Variants in KCNAB1 observed in about 807,000 individuals in gnomAD.
The protein encoded by KCNAB1 is potassium voltage-gated channel subfamily A regulatory beta subunit 1, also known as voltage-gated potassium channel subunit beta-1.
In KCNAB1, 35 loss-of-function variants were observed where a neutral mutation model predicts 64.6. The ratio of observed to expected loss-of-function variants is 0.54; its 90% CI spans 0.41 to 0.72. The LOEUF is 0.72. Among genes scored for constraint, KCNAB1 ranks in the 30% least tolerant of loss-of-function variants. The pLI is 0.00. For synonymous variants in KCNAB1, 177 were observed against 183.8 expected, an observed-to-expected ratio of 0.96 and a Z score of 0.30; for missense variants, 401 against 512.9, an observed-to-expected ratio of 0.78 and a Z score of 2.11.
intron 1 of KCNAB1, among the ~76,000 whole-genome samples, chr3:156,280,971 A>G (rs746804706): frequency 0.016 from 2,340 of 149,542 alleles, 40 homozygotes; most frequent in South Asian, 0.019. Context: ...TCTCCTGCCT[A>G]ATTGCCCTGG....
chr3:156,166,996 A>G (rs1041257943), intron 1 of KCNAB1, among the ~76,000 whole-genome samples: 2 of 152,162 alleles, frequency 1.3e-5, no homozygotes, highest in African/African-American at 4.8e-5. Context: ...CTGAAGGGCA[A>G]CAAGTCTCCA....
intron 1 of KCNAB1, among the ~76,000 whole-genome samples, chr3:156,392,512 G>C (rs1427306685): frequency 6.6e-6 from 1 of 152,154 alleles, no homozygotes; most frequent in Non-Finnish European, 1.5e-5. Flanking sequence ...TACTGGTTCA[G>C]TCAATACAAC....
chr3:156,169,991 G>T (rs74647640), intron 1 of KCNAB1, among the ~76,000 whole-genome samples: 1,717 of 152,198 alleles, frequency 0.011, 31 homozygotes, highest in African/African-American at 0.039. Context: ...TCCCAAAGAG[G>T]CCCTTTTTCC....
intron 1 of KCNAB1, among the ~76,000 whole-genome samples, chr3:156,274,591 C>T (rs1056149621): frequency 6.6e-6 from 1 of 152,024 alleles, no homozygotes; most frequent in Non-Finnish European, 1.5e-5. Flanking sequence ...AAATAACTAT[C>T]TCTGTGATGT....
chr3:156,139,984 A>G (rs1714612206), intron 1 of KCNAB1, among the ~76,000 whole-genome samples: 1 of 152,194 alleles, frequency 6.6e-6, no homozygotes, highest in Non-Finnish European at 1.5e-5. Flanking sequence ...TAAATAACTG[A>G]TTCACTTTGT....
chr3:156,131,351 A>T (rs1003334374), intron 1 of KCNAB1, among the ~76,000 whole-genome samples: 1 of 152,228 alleles, frequency 6.6e-6, no homozygotes, highest in African/African-American at 2.4e-5. Context: ...GGCAAAATAA[A>T]TTAGGAGCTT....
chr3:156,285,123 C>T (rs114505323), intron 1 of KCNAB1, among the ~76,000 whole-genome samples: 2,457 of 152,244 alleles, frequency 0.016, 54 homozygotes, highest in Non-Finnish European at 0.02. Flanking sequence ...GATAAGAAAG[C>T]ATTATGTCAT....
Position 156,246,185 on chromosome 3 carries a change from C to A in KCNAB1, c.275+125299C>A, listed in dbSNP as rs554431266. ...TTGGGCACTCAGATAATTAAATTGC[C>A]CCAATAGGTCATTTGCATCAAATTT... On this transcript the variant is annotated intron_variant, in intron 1 of 13. Transcript: ENST00000490337. 3.4e-4 allele frequency among the ~76,000 whole-genome samples: 51 copies of A among 152,124 alleles called. 1 individual carries two copies. In the East Asian group the frequency reaches 7.5e-3, roughly 22 times the overall value.
intron 1 of KCNAB1, among the ~76,000 whole-genome samples, chr3:156,250,441 A>G (rs571894368): frequency 1.3e-5 from 2 of 152,274 alleles, no homozygotes; most frequent in South Asian, 2.1e-4. Flanking sequence ...TGTGTGCCAT[A>G]TGGTCCTTTG....
intron 1 of KCNAB1, among the ~76,000 whole-genome samples, chr3:156,201,555 G>T (rs1468086455): frequency 6.6e-6 from 1 of 152,248 alleles, no homozygotes; most frequent in East Asian, 1.9e-4. Context: ...GCCTAGTTCT[G>T]CTCCAGCAGC....
At chr3:156,454,777 G>A (rs1009876625) in intron 3 of KCNAB1, among the ~76,000 whole-genome samples, 3 of 152,102 alleles carry the variant, frequency 2.0e-5, no homozygotes. Context: ...GTGCTTGGAA[G>A]GGAAAAAGAC....
At chr3:156,255,195 A>G (rs539131277) in intron 1 of KCNAB1, among the ~76,000 whole-genome samples, 1 of 152,248 alleles carries the variant, frequency 6.6e-6, no homozygotes. Context: ...CCTTCATCTG[A>G]AATTGTTGGT....
chr3:156,292,250 G>A (rs1720487962), intron 1 of KCNAB1: 2 of 1,145,806 alleles, frequency 1.7e-6, no homozygotes, highest in African/African-American at 1.5e-5. Context: ...AGAATTCTCA[G>A]GTGGTTCTAA....
intron 1 of KCNAB1, among the ~76,000 whole-genome samples, chr3:156,175,476 C>T (rs564695321): frequency 7.2e-5 from 11 of 152,092 alleles, no homozygotes; most frequent in Non-Finnish European, 1.3e-4. Flanking sequence ...AAAAATTAGC[C>T]GAGTGTGCTG....
chr3:156,363,762 C>G (rs1315582797), intron 1 of KCNAB1, among the ~76,000 whole-genome samples: 1 of 152,202 alleles, frequency 6.6e-6, no homozygotes, highest in Non-Finnish European at 1.5e-5. Context: ...AGGCATGAAC[C>G]ACCGCACCTG....
intron 8 of KCNAB1, among the ~76,000 whole-genome samples, chr3:156,491,522 C>A (rs1343935783): frequency 6.6e-6 from 1 of 152,094 alleles, no homozygotes; most frequent in Non-Finnish European, 1.5e-5. Context: ...TGACTTTGCT[C>A]AGCCATGGAT....
At chr3:156,526,206 A>G (rs1052795621) in intron 12 of KCNAB1, among the ~76,000 whole-genome samples, 8 of 152,254 alleles carry the variant, frequency 5.3e-5, no homozygotes, top group Non-Finnish European at 1.2e-4. Context: ...CATATAGCCT[A>G]GATGTGCAGT....
Position 156,328,040 on chromosome 3 carries a change from G to T in KCNAB1, c.276-93576G>T, listed in dbSNP as rs992990869. Among the ~76,000 whole-genome samples the T allele has an allele frequency of 4.6e-5, 7 of 152,088 alleles. No homozygotes were observed. In the South Asian group the frequency reaches 1.5e-3, roughly 32 times the overall value. ...ACCTGCCCACCACCCCAAAATTCTA[G>T]CCCAACAGCCAACATTCCTTCCCAT... On this transcript the variant is annotated intron_variant, in intron 1 of 13. Coordinates refer to ENST00000490337, the MANE Select transcript of KCNAB1 (RefSeq NM_172160.3).
At chr3:156,398,484 C>A (rs1419296133) in intron 1 of KCNAB1, among the ~76,000 whole-genome samples, 1 of 150,072 alleles carries the variant, frequency 6.7e-6, no homozygotes, top group Non-Finnish European at 1.5e-5. Flanking sequence ...CCCAGCTACT[C>A]GGGAGGCTGA....
Sources: allele counts gnomAD v4.1 joint callset (sites outside exome capture counted in the v4.1 genomes callset), GRCh38; gene constraint gnomAD v4.1.1; transcripts MANE v1.5; gene names NCBI Gene and HGNC (gene_info 2026-07-23, HGNC 2026-07-21).